ANKS1B: variants seen among roughly 807,000 people sequenced by gnomAD.
ANKS1B encodes ankyrin repeat and sterile alpha motif domain-containing protein 1B.
ANKS1B carries 36 observed loss-of-function variants against 148.3 expected under a neutral mutation model. That is an observed-to-expected ratio of 0.24 (90% CI 0.19 to 0.32). The LOEUF (loss-of-function observed/expected upper bound fraction) is 0.32. Ranked by LOEUF, ANKS1B falls within the 10% of genes least tolerant of loss-of-function variation. The probability of loss-of-function intolerance (pLI) is 1.00; values close to 1 mark genes in which losing one functional copy is unlikely to be tolerated. For synonymous variants in ANKS1B, 542 were observed against 560.8 expected, an observed-to-expected ratio of 0.97 and a Z score of 0.47; for missense variants, 1,157 against 1,542.6, an observed-to-expected ratio of 0.75 and a Z score of 4.19.
chr12:99,021,521 A>G (rs1167193826), intron 17 of ANKS1B, among the ~76,000 whole-genome samples: 1 of 152,140 alleles, frequency 6.6e-6, no homozygotes, highest in Non-Finnish European at 1.5e-5. Context: ...GGGTCTTTCA[A>G]AAGAAAGACA....
chr12:99,729,490 G>C (rs991830482), intron 8 of ANKS1B, among the ~76,000 whole-genome samples: 13 of 151,854 alleles, frequency 8.6e-5, no homozygotes, highest in African/African-American at 3.1e-4. Flanking sequence ...ATTTCTATTT[G>C]ATTTTTTTAA....
intron 14 of ANKS1B, among the ~76,000 whole-genome samples, chr12:99,185,037 G>A (rs2079630330): frequency 6.6e-6 from 1 of 152,136 alleles, no homozygotes; most frequent in Non-Finnish European, 1.5e-5. Context: ...CTATCACATA[G>A]CAGAGAAGGA....
At chr12:98,765,070 C>T (rs2098462689) in intron 25 of ANKS1B, among the ~76,000 whole-genome samples, 2 of 152,220 alleles carry the variant, frequency 1.3e-5, no homozygotes, top group African/African-American at 4.8e-5. Flanking sequence ...CATAAAGCCT[C>T]ACACAGGGTC....
At chr12:99,387,304 G>A (rs2093902322) in intron 12 of ANKS1B, among the ~76,000 whole-genome samples, 1 of 152,188 alleles carries the variant, frequency 6.6e-6, no homozygotes, top group African/African-American at 2.4e-5. Context: ...GAGCCCTCAT[G>A]AAGGCGATTA....
chr12:99,951,052 T>C (rs1486697903), intron 1 of ANKS1B, among the ~76,000 whole-genome samples: 1 of 152,218 alleles, frequency 6.6e-6, no homozygotes, highest in East Asian at 1.9e-4. Flanking sequence ...CCTCAGAATT[T>C]TGAAAGCATT....
intron 16 of ANKS1B, among the ~76,000 whole-genome samples, chr12:99,055,835 T>TATAA (rs2099969388): frequency 6.6e-6 from 1 of 152,130 alleles, no homozygotes; most frequent in South Asian, 2.1e-4. Flanking sequence ...AGATGATATT[T>TATAA]ATAAATAGTA....
intron 17 of ANKS1B, among the ~76,000 whole-genome samples, chr12:98,885,551 C>T (rs2099737743): frequency 1.3e-5 from 2 of 152,150 alleles, no homozygotes. Flanking sequence ...CAGGGCTGCC[C>T]ACTATTTTGG....
At chr12:98,980,261 C>T (rs762010256) in intron 17 of ANKS1B, among the ~76,000 whole-genome samples, 2 of 152,172 alleles carry the variant, frequency 1.3e-5, no homozygotes, top group Non-Finnish European at 1.5e-5. Flanking sequence ...AGTGCAGTGG[C>T]GCAATCTCGG....
chr12:98,880,562 C>A (rs537054583), intron 17 of ANKS1B, among the ~76,000 whole-genome samples: 1 of 152,036 alleles, frequency 6.6e-6, no homozygotes, highest in Admixed American at 6.5e-5. Context: ...GTCAGGAGAT[C>A]GAGACCATCC....
chr12:99,502,278 C>T (rs576800113), intron 10 of ANKS1B, among the ~76,000 whole-genome samples: 23 of 152,212 alleles, frequency 1.5e-4, no homozygotes, highest in African/African-American at 3.4e-4. Flanking sequence ...ATCTCTCTTA[C>T]GGAAAAGGAA....
rs185174883 is a variant in ANKS1B, at chr12:98,818,454, T to C, written c.3067-10536A>G. On this transcript the variant is annotated intron_variant, in intron 19 of 26. Coordinates refer to ENST00000683438, the MANE Select transcript of ANKS1B (RefSeq NM_001352186.2). ...ATAGAGCAGAGGAAAAAAATGAGCA[T>C]TGCCTGTACAATCCAGCTCTCATTG... Among the ~76,000 whole-genome samples the C allele has an allele frequency of 4.2e-3, 640 of 152,294 alleles. 1 individual carries two copies. Among genetic ancestry groups the C allele is most frequent in the Non-Finnish European group, 6.7e-3 (455 of 68,006 alleles).
chr12:99,526,387 T>A (rs1263423108), intron 9 of ANKS1B, among the ~76,000 whole-genome samples: 1 of 152,214 alleles, frequency 6.6e-6, no homozygotes, highest in Non-Finnish European at 1.5e-5. Flanking sequence ...TTCTAAAACA[T>A]GGTACTGTAA....
chr12:99,280,885 TCACACACACACACATGCACGTA>T (rs2078341796), intron 12 of ANKS1B, among the ~76,000 whole-genome samples: 1 of 149,938 alleles, frequency 6.7e-6, no homozygotes, highest in Non-Finnish European at 1.5e-5. Context: ...TCTCTCTCTC[TCACACACACACACATGCACGTA>T]CACACACACA....
At chr12:99,468,338 A>T (rs964635345) in intron 10 of ANKS1B, among the ~76,000 whole-genome samples, 1 of 152,236 alleles carries the variant, frequency 6.6e-6, no homozygotes, top group African/African-American at 2.4e-5. Flanking sequence ...TAAAAACCCT[A>T]GAAGAAAATC....
At chr12:99,691,227 C>T (rs1338569747) in intron 8 of ANKS1B, among the ~76,000 whole-genome samples, 2 of 152,214 alleles carry the variant, frequency 1.3e-5, no homozygotes, top group Non-Finnish European at 2.9e-5. Flanking sequence ...CCTCCCAGGC[C>T]TCTGGACCTG....
At chr12:99,368,187 G>C (rs571773715) in intron 12 of ANKS1B, among the ~76,000 whole-genome samples, 1 of 152,178 alleles carries the variant, frequency 6.6e-6, no homozygotes, top group South Asian at 2.1e-4. Flanking sequence ...GGGGACACAT[G>C]AATGTAAAGA....
Position 98,878,614 on chromosome 12 carries a change from G to A in ANKS1B, c.2779-46478C>T, listed in dbSNP as rs575003653. On this transcript the variant is annotated intron_variant, in intron 17 of 26. Transcript: ENST00000683438. ...GGTAATAAACGTGTGGGGAAGATGG[G>A]AGGACAGGAGAGCAGGAAGAGAGCA... Among the ~76,000 whole-genome samples the A allele has an allele frequency of 3.1e-4, 47 of 152,278 alleles. 1 individual carries two copies. In the East Asian group the frequency reaches 4.6e-3, roughly 15 times the overall value.
intron 15 of ANKS1B, among the ~76,000 whole-genome samples, chr12:99,113,542 C>T (rs953757967): frequency 4.6e-5 from 7 of 152,172 alleles, no homozygotes; most frequent in Admixed American, 2.0e-4. Flanking sequence ...TAAATATATA[C>T]GATTCAATTC....
intron 17 of ANKS1B, among the ~76,000 whole-genome samples, chr12:99,028,554 C>T (rs1003759256): frequency 2.0e-5 from 3 of 152,248 alleles, no homozygotes; most frequent in African/African-American, 7.2e-5. Flanking sequence ...GATGAGACCA[C>T]AGGTTAGAGA....
Sources: allele counts gnomAD v4.1 joint callset (sites outside exome capture counted in the v4.1 genomes callset), GRCh38; gene constraint gnomAD v4.1.1; transcripts MANE v1.5; gene names NCBI Gene and HGNC (gene_info 2026-07-23, HGNC 2026-07-21).